The following PTPRN2 variants were observed in gnomAD, a reference collection of about 807,000 sequenced individuals.
The protein encoded by PTPRN2 is receptor-type tyrosine-protein phosphatase N2.
A neutral mutation model predicts 118.8 loss-of-function variants in PTPRN2; 74 were observed. That is an observed-to-expected ratio of 0.62 (90% CI 0.52 to 0.76). The LOEUF (loss-of-function observed/expected upper bound fraction) is 0.76. Ranked by LOEUF, PTPRN2 falls within the 30% of genes least tolerant of loss-of-function variation. The pLI is 0.00. For synonymous variants in PTPRN2, 641 were observed against 608.0 expected (o/e 1.05, Z -0.80); for missense variants, 1,481 against 1,394.4 (o/e 1.06, Z -0.99).
intron 1 of PTPRN2, among the ~76,000 whole-genome samples, chr7:158,537,036 C>G (rs75725240): frequency 0.013 from 1,997 of 152,168 alleles, 40 homozygotes; most frequent in African/African-American, 0.045. Context: ...GATTAGTGCC[C>G]TTATAGGAAG....
At chr7:157,710,770 AGGGGTTCCGG>A (rs113143308) in intron 12 of PTPRN2, among the ~76,000 whole-genome samples, 68,423 of 123,346 alleles carry the variant, frequency 0.55, 19,281 homozygotes, top group Middle Eastern at 0.74. Context: ...CATGTGCAGG[AGGGGTTCCGG>A]GGCAGCCGGG....
intron 12 of PTPRN2, among the ~76,000 whole-genome samples, chr7:157,850,012 T>G (rs2151202423): frequency 6.6e-6 from 1 of 152,312 alleles, no homozygotes; most frequent in South Asian, 2.1e-4. Context: ...ATCTTACACG[T>G]TTTTTATTTC....
At chr7:158,290,636 G>T (rs868061717) in intron 3 of PTPRN2, among the ~76,000 whole-genome samples, 2 of 152,076 alleles carry the variant, frequency 1.3e-5, no homozygotes, top group South Asian at 4.1e-4. Context: ...AGCAAAGTCT[G>T]GTACTCACTT....
Position 157,603,514 on chromosome 7 carries a change from C to T in PTPRN2, c.2418+488G>A, listed in dbSNP as rs141651738. Among the ~76,000 whole-genome samples the T allele has an allele frequency of 1.0e-3, 152 of 152,334 alleles. 1 individual carries two copies. Among genetic ancestry groups the T allele is most frequent in the African/African-American group, 7.2e-4 (30 of 41,566 alleles). On this transcript the variant is annotated intron_variant, in intron 16 of 22. Transcript: ENST00000389418. This position sits in a 1 kb window ranked among gnomAD's most constrained non-coding sequence, Gnocchi z 5.4. Reference sequence around the variant, plus strand: ...CCCAGGGGGAGGAACAGCCAGCAAACGGTCTCTTTCATAAGAAACAGGGTC... The same window carrying T: ...CCCAGGGGGAGGAACAGCCAGCAAATGGTCTCTTTCATAAGAAACAGGGTC...
chr7:157,935,813 C>T (rs1799662587), intron 11 of PTPRN2, among the ~76,000 whole-genome samples: 1 of 150,198 alleles, frequency 6.7e-6, no homozygotes, highest in Admixed American at 6.6e-5. Context: ...TCCTCAGCAT[C>T]TGTGTCACTC....
intron 4 of PTPRN2, among the ~76,000 whole-genome samples, chr7:158,201,653 A>G (rs1186035782): frequency 6.6e-6 from 1 of 152,180 alleles, no homozygotes; most frequent in African/African-American, 2.4e-5. Flanking sequence ...CTTTCTCTGA[A>G]GTCTGCTAAC....
In PTPRN2 at chr7:158,077,931, T is replaced by C. The variant is rs116013381; in HGVS notation, c.1723+3367A>G. ...CTGAGCCACGGAGATTAAACGTAGC[T>C]ACCAGTCATTTCTATGTACTTTGTG... On this transcript the variant is annotated intron_variant, in intron 11 of 22. Coordinates refer to ENST00000389418, the MANE Select transcript of PTPRN2 (RefSeq NM_002847.5). 6.2e-3 allele frequency among the ~76,000 whole-genome samples: 943 copies of C among 152,340 alleles called. 6 individuals carry two copies. Among genetic ancestry groups the C allele is most frequent in the African/African-American group, 0.021 (869 of 41,576 alleles).
At chr7:158,210,286 C>A (rs1253254578) in intron 3 of PTPRN2, among the ~76,000 whole-genome samples, 4 of 151,858 alleles carry the variant, frequency 2.6e-5, no homozygotes, top group African/African-American at 9.7e-5. Context: ...CAGGCGCCCG[C>A]TACCACGCCT....
intron 18 of PTPRN2, among the ~76,000 whole-genome samples, chr7:157,577,090 A>G (rs937789951): frequency 6.6e-6 from 1 of 152,218 alleles, no homozygotes; most frequent in African/African-American, 2.4e-5. Context: ...TCCATGTTAC[A>G]TAAACCCTCA....
chr7:158,055,488 G>C lies in PTPRN2; in HGVS notation c.1723+25810C>G, dbSNP rs112068522. Among the ~76,000 whole-genome samples, 1,428 of 152,300 alleles carry C rather than the reference G, an allele frequency of 9.4e-3. 9 individuals are homozygous for C. Among genetic ancestry groups the C allele is most frequent in the Non-Finnish European group, 0.015 (1,023 of 68,018 alleles). On this transcript the variant is annotated intron_variant, in intron 11 of 22. Transcript: ENST00000389418. The stretch of plus-strand genomic sequence containing the variant: ...ACCTCTTGTGGAGTCAGGCCCACCC[G>C]CAGTTATCCGGAGGCCTAACCGTCT...
intron 13 of PTPRN2, among the ~76,000 whole-genome samples, chr7:157,663,637 G>T (rs1179639817): frequency 6.6e-6 from 1 of 152,080 alleles, no homozygotes; most frequent in Non-Finnish European, 1.5e-5. Context: ...AGTGGGGACC[G>T]GCCCCTCCCT....
At chr7:158,143,855 G>T (rs1314608190) in intron 6 of PTPRN2, among the ~76,000 whole-genome samples, 1 of 152,104 alleles carries the variant, frequency 6.6e-6, no homozygotes, top group Non-Finnish European at 1.5e-5. Context: ...GGCACAGCAG[G>T]CACCACAAGG....
chr7:158,203,156 C>G (rs1165561805), intron 4 of PTPRN2, among the ~76,000 whole-genome samples: 1 of 138,478 alleles, frequency 7.2e-6, no homozygotes, highest in Non-Finnish European at 1.5e-5. Context: ...TGCTTGAACC[C>G]AAGAGGTGGA....
At chr7:157,575,248 A>T (rs2150522162) in intron 19 of PTPRN2, among the ~76,000 whole-genome samples, 2 of 152,140 alleles carry the variant, frequency 1.3e-5, no homozygotes, top group Admixed American at 1.3e-4. Context: ...TTTTTTGAAG[A>T]CTCTATTTCA....
At chr7:158,407,943 T>C (rs545140990) in intron 2 of PTPRN2, among the ~76,000 whole-genome samples, 2 of 152,330 alleles carry the variant, frequency 1.3e-5, no homozygotes, top group East Asian at 1.9e-4. Flanking sequence ...TGTGTGCAAA[T>C]TCCCTTAAAG....
At chr7:157,727,550 T>C (rs1012641424) in intron 12 of PTPRN2, among the ~76,000 whole-genome samples, 7 of 152,100 alleles carry the variant, frequency 4.6e-5, no homozygotes, top group South Asian at 2.1e-4. Context: ...GGGTCAGTGT[T>C]TACTGGGGAC....
chr7:157,626,592 C>T (rs1803585945), intron 14 of PTPRN2, among the ~76,000 whole-genome samples: 1 of 152,182 alleles, frequency 6.6e-6, no homozygotes, highest in African/African-American at 2.4e-5. Context: ...GTCTCTGTGG[C>T]ATTCGTCACA....
chr7:157,940,416 TCTCA>T (rs1285081812), intron 11 of PTPRN2, among the ~76,000 whole-genome samples: 3 of 152,136 alleles, frequency 2.0e-5, no homozygotes, highest in South Asian at 2.1e-4. Context: ...GCCTAGAAAT[TCTCA>T]CTGTTACAGA....
chr7:158,453,713 TAACTGAGG>T (rs533108340), intron 2 of PTPRN2, among the ~76,000 whole-genome samples: 3,426 of 152,326 alleles, frequency 0.022, 49 homozygotes, highest in Non-Finnish European at 0.033. Context: ...TCACACAAAT[TAACTGAGG>T]AAAATTGAAA....
Sources: gnomAD v4.1 joint callset for allele counts (sites outside exome capture counted in the v4.1 genomes callset) on GRCh38, gnomAD v4.1.1 for gene constraint, Gnocchi (gnomAD v3.1) non-coding constraint, MANE v1.5 for transcripts, NCBI Gene and HGNC (gene_info 2026-07-23, HGNC 2026-07-21) for gene names.